STARD13: variants seen among roughly 807,000 people sequenced by gnomAD.
The protein encoded by STARD13 is StAR related lipid transfer domain containing 13, also known as stAR-related lipid transfer protein 13.
In STARD13, 62 loss-of-function variants were observed where a neutral mutation model predicts 106.4. That is an observed-to-expected ratio of 0.58 (90% CI 0.48 to 0.72). The LOEUF is 0.72. STARD13 is among the 30% of genes least tolerant of loss of function. The probability of loss-of-function intolerance (pLI) is 0.00; values close to 1 mark genes in which losing one functional copy is unlikely to be tolerated. For missense variants in STARD13, 1,387 were observed against 1,424.0 expected (o/e 0.97, Z 0.42); for synonymous variants, 565 against 553.0 (o/e 1.02, Z -0.31).
At chr13:33,207,837 C>A (rs1887502431) in intron 1 of STARD13, among the ~76,000 whole-genome samples, 1 of 152,206 alleles carries the variant, frequency 6.6e-6, no homozygotes, top group Non-Finnish European at 1.5e-5. Flanking sequence ...CTGCTCGATG[C>A]AGGCTGTGTG....
the STARD13 span, among the ~76,000 whole-genome samples, chr13:33,526,816 C>T: frequency 2.0e-5 from 3 of 151,994 alleles, no homozygotes; most frequent in Non-Finnish European, 2.9e-5. Context: ...TATGTTAGTA[C>T]GTGACAGGTA....
the STARD13 span, among the ~76,000 whole-genome samples, chr13:33,507,602 G>A: frequency 6.6e-6 from 1 of 152,072 alleles, no homozygotes; most frequent in South Asian, 2.1e-4. Context: ...CTTGAACAAG[G>A]CACATGTTAG....
chr13:33,151,860 T>G (rs774726922), intron 3 of STARD13, among the ~76,000 whole-genome samples: 1 of 152,144 alleles, frequency 6.6e-6, no homozygotes, highest in Non-Finnish European at 1.5e-5. Context: ...GAGTGGGATG[T>G]CTGCGTGAAG....
At chr13:33,350,656 A>C (rs2078069097), upstream of STARD13, 10 of 1,246,900 alleles carry the variant, frequency 8.0e-6, no homozygotes, top group South Asian at 9.1e-5. Flanking sequence ...CAACTCCTCT[A>C]CTCCTTTCCC....
At chr13:33,122,676 A>G (rs922950359) in intron 7 of STARD13, among the ~76,000 whole-genome samples, 2 of 152,164 alleles carry the variant, frequency 1.3e-5, no homozygotes, top group East Asian at 1.9e-4. Flanking sequence ...CCTTTTGAAG[A>G]TAAAAGGCGA....
At chr13:33,590,025 G>A in the STARD13 span, among the ~76,000 whole-genome samples, 5 of 152,130 alleles carry the variant, frequency 3.3e-5, no homozygotes, top group African/African-American at 1.2e-4. Context: ...AGCTCTTCTT[G>A]TTGAATTGAT....
rs144705903 is a variant in STARD13, at chr13:33,165,358, T to C, written c.302A>G (p.Asp101Gly). 1,535 of 1,613,696 alleles carry C rather than the reference T, an allele frequency of 9.5e-4. 11 individuals carry two copies. Among genetic ancestry groups the C allele is most frequent in the Non-Finnish European group, 3.7e-4 (433 of 1,179,612 alleles). ...VKNDHDFLEKDLVEPLCRRLN... is the reference protein window; with the variant it reads ...VKNDHDFLEKGLVEPLCRRLN... ...TTACCTGCAAAGAGGTTCTACAAGGTCCTTTTCAAGAAAATCATGATCATT... is the reference window on the plus strand; with the variant it reads ...TTACCTGCAAAGAGGTTCTACAAGGCCCTTTTCAAGAAAATCATGATCATT... Residue 101 changes from aspartate to glycine, a missense_variant, in exon 3 of 14, where the codon GAC (aspartate) becomes GGC (glycine). Coordinates refer to ENST00000336934, the MANE Select transcript of STARD13 (RefSeq NM_178006.4).
At chr13:33,141,426 A>C (rs977083259) in intron 4 of STARD13, among the ~76,000 whole-genome samples, 1 of 152,258 alleles carries the variant, frequency 6.6e-6, no homozygotes, top group Non-Finnish European at 1.5e-5. Flanking sequence ...AAAACAGTAC[A>C]TATTCAATAA....
At position 33,105,427 on chromosome 13, in the gene STARD13, G is replaced by T; in HGVS notation, c.*166C>A. 1.7e-6 allele frequency: 1 copy of T among 574,650 alleles called. No individual in the cohort carries two copies. Among genetic ancestry groups the T allele is most frequent in the Non-Finnish European group, 3.1e-6 (1 of 319,634 alleles). 35.6% of individuals were successfully genotyped at this position (574,650 alleles called of 1,614,324 possible). A position where few individuals can be genotyped will look rare whatever the true frequency, so the allele number is the denominator to read the frequency against. On this transcript the variant is annotated 3_prime_UTR_variant, in exon 14 of 14. Coordinates refer to ENST00000336934, the MANE Select transcript of STARD13 (RefSeq NM_178006.4). ...CTCCAGGAAGGCTAAGAAAGTTCTT[G>T]GAAATTCTTGCATCTCCAACATTCC...
chr13:33,640,003 A>G, the STARD13 span, among the ~76,000 whole-genome samples: 4 of 152,180 alleles, frequency 2.6e-5, no homozygotes, highest in Non-Finnish European at 5.9e-5. Flanking sequence ...GAGACCTTCT[A>G]GGGGAATTTG....
intron 1 of STARD13, among the ~76,000 whole-genome samples, chr13:33,309,306 A>G (rs891175053): frequency 6.6e-6 from 1 of 152,184 alleles, no homozygotes; most frequent in African/African-American, 2.4e-5. Flanking sequence ...TAGCGAGTTG[A>G]GGACGCAAGC....
At chr13:33,532,873 G>C in the STARD13 span, among the ~76,000 whole-genome samples, 1 of 152,088 alleles carries the variant, frequency 6.6e-6, no homozygotes, top group Non-Finnish European at 1.5e-5. Flanking sequence ...ACAAAACTGG[G>C]TCAAGGAAGT....
chr13:33,161,135 T>G (rs1882576518), intron 3 of STARD13, among the ~76,000 whole-genome samples: 1 of 152,202 alleles, frequency 6.6e-6, no homozygotes, highest in South Asian at 2.1e-4. Context: ...TTTTATTATT[T>G]TATAACAAGT....
At chr13:33,141,627 T>C (rs1002943519) in intron 4 of STARD13, among the ~76,000 whole-genome samples, 1 of 151,994 alleles carries the variant, frequency 6.6e-6, no homozygotes, top group Non-Finnish European at 1.5e-5. Flanking sequence ...TGTCACACCG[T>C]CCCTGGGCCC....
chr13:33,108,184 C>T (rs367931165), intron 12 of STARD13, among the ~76,000 whole-genome samples: 2 of 152,222 alleles, frequency 1.3e-5, no homozygotes, highest in South Asian at 4.1e-4. Flanking sequence ...ACAAATGCAG[C>T]AATCCTGAAA....
chr13:33,485,795 A>C, the STARD13 span, among the ~76,000 whole-genome samples: 1 of 152,152 alleles, frequency 6.6e-6, no homozygotes, highest in Non-Finnish European at 1.5e-5. Flanking sequence ...TTCAAAAAAC[A>C]CTCCAAGAAA....
chr13:33,607,319 A>T, the STARD13 span, among the ~76,000 whole-genome samples: 1 of 146,702 alleles, frequency 6.8e-6, no homozygotes, highest in African/African-American at 2.5e-5. Context: ...TTTTTTTGAG[A>T]CAGAACCTCG....
At chr13:33,472,815 C>G in the STARD13 span, among the ~76,000 whole-genome samples, 1 of 152,128 alleles carries the variant, frequency 6.6e-6, no homozygotes, top group Admixed American at 6.6e-5. Flanking sequence ...CTCCATAGGC[C>G]TGAGGTCCAA....
the STARD13 span, among the ~76,000 whole-genome samples, chr13:33,545,820 T>A: frequency 6.6e-6 from 1 of 152,316 alleles, no homozygotes; most frequent in East Asian, 1.9e-4. Flanking sequence ...CACCCACAAG[T>A]GGAAACAGCC....
Sources: gnomAD v4.1 joint callset for allele counts (sites outside exome capture counted in the v4.1 genomes callset) on GRCh38, gnomAD v4.1.1 for gene constraint, MANE v1.5 for transcripts, NCBI Gene and HGNC (gene_info 2026-07-23, HGNC 2026-07-21) for gene names.